The following GRID2 variants were observed in gnomAD, a reference collection of about 807,000 sequenced individuals.
GRID2 encodes glutamate receptor ionotropic, delta-2.
Under a neutral mutation model 114.8 loss-of-function variants are expected in GRID2, and 33 were observed. The observed-to-expected ratio is 0.29, with a 90% CI of 0.22 to 0.38. The LOEUF is 0.38. Ranked by LOEUF, GRID2 falls within the 10% of genes least tolerant of loss-of-function variation. The pLI is 1.00. For synonymous variants in GRID2, 505 were observed against 449.9 expected, an observed-to-expected ratio of 1.12 and a Z score of -1.55; for missense variants, 1,184 against 1,257.7, an observed-to-expected ratio of 0.94 and a Z score of 0.89.
intron 14 of GRID2, among the ~76,000 whole-genome samples, chr4:93,662,525 G>T (rs540521178): frequency 6.6e-6 from 1 of 152,054 alleles, no homozygotes; most frequent in African/African-American, 2.4e-5. Flanking sequence ...CAGCACCAGA[G>T]AACATTTCTC....
intron 1 of GRID2, among the ~76,000 whole-genome samples, chr4:92,522,284 G>T (rs1249369980): frequency 6.6e-6 from 1 of 151,856 alleles, no homozygotes; most frequent in Admixed American, 6.6e-5. Context: ...CAATAAGGAG[G>T]CAGGGGTCAC....
intron 2 of GRID2, among the ~76,000 whole-genome samples, chr4:92,921,959 G>A (rs1436232624): frequency 6.6e-6 from 1 of 152,204 alleles, no homozygotes; most frequent in Non-Finnish European, 1.5e-5. Flanking sequence ...AGTCTACAGA[G>A]GCAGGCCGGC....
chr4:92,847,631 TACAC>T, intron 2 of GRID2, among the ~76,000 whole-genome samples: 1 of 149,198 alleles, frequency 6.7e-6, no homozygotes, highest in Non-Finnish European at 1.5e-5. Context: ...TATTCTTACA[TACAC>T]AGCTATACTG....
chr4:93,721,264 A>C (rs186286213), intron 14 of GRID2, among the ~76,000 whole-genome samples: 2 of 152,328 alleles, frequency 1.3e-5, no homozygotes, highest in African/African-American at 4.8e-5. Flanking sequence ...TTAAATAGTC[A>C]AAAAGGGATC....
At chr4:93,327,092 C>A (rs1375496593) in intron 8 of GRID2, among the ~76,000 whole-genome samples, 1 of 152,010 alleles carries the variant, frequency 6.6e-6, no homozygotes. Flanking sequence ...GTCTTCAGGC[C>A]TCTTCTCTTA....
intron 2 of GRID2, among the ~76,000 whole-genome samples, chr4:92,663,502 AAAATT>A (rs1284152574): frequency 2.0e-5 from 3 of 151,272 alleles, no homozygotes; most frequent in Non-Finnish European, 4.4e-5. Context: ...CACAATTACT[AAAATT>A]AGTTGTCTAG....
intron 8 of GRID2, among the ~76,000 whole-genome samples, chr4:93,249,766 T>TA (rs1278397903): frequency 6.6e-6 from 1 of 151,894 alleles, no homozygotes; most frequent in Admixed American, 6.6e-5. Flanking sequence ...CACTGGTCAT[T>TA]AAAAAAAGCA....
chr4:92,308,241 A>C (rs189216866), intron 1 of GRID2, among the ~76,000 whole-genome samples: 1 of 152,184 alleles, frequency 6.6e-6, no homozygotes, highest in Admixed American at 6.5e-5. Context: ...CAACTATGGA[A>C]GATCTCATGT....
At chr4:92,722,651 G>T (rs1171082819) in intron 2 of GRID2, among the ~76,000 whole-genome samples, 1 of 151,984 alleles carries the variant, frequency 6.6e-6, no homozygotes, top group East Asian at 1.9e-4. Context: ...TATTAAATCT[G>T]CTATACCCAT....
In GRID2 at chr4:93,438,842, C is replaced by T. The variant is rs1721353462; in HGVS notation, c.1545+15874C>T. Among the ~76,000 whole-genome samples the T allele has an allele frequency of 2.0e-5, 3 of 151,760 alleles. No homozygotes were observed. In the South Asian group the frequency reaches 6.3e-4, roughly 32 times the overall value. On this transcript the variant is annotated intron_variant, in intron 10 of 15. Transcript: ENST00000282020. ...TGCTATCCCTCCCCCCATCCCCCACCCCACAATAGTCCCCGGAGTGTGATG... is the reference window on the plus strand; with the variant it reads ...TGCTATCCCTCCCCCCATCCCCCACTCCACAATAGTCCCCGGAGTGTGATG...
At chr4:92,986,998 T>C (rs905686115) in intron 2 of GRID2, among the ~76,000 whole-genome samples, 1 of 152,074 alleles carries the variant, frequency 6.6e-6, no homozygotes, top group Non-Finnish European at 1.5e-5. Flanking sequence ...AGAAAAATAA[T>C]GTATACCCTT....
chr4:92,758,155 T>A (rs1737823224), intron 2 of GRID2, among the ~76,000 whole-genome samples: 1 of 152,124 alleles, frequency 6.6e-6, no homozygotes, highest in African/African-American at 2.4e-5. Flanking sequence ...AAAAAGAGTC[T>A]GTTCTCTTTT....
chr4:93,465,451 T>C (rs928082486), intron 11 of GRID2, among the ~76,000 whole-genome samples: 2 of 152,214 alleles, frequency 1.3e-5, no homozygotes, highest in South Asian at 2.1e-4. Context: ...CAGTTTACAA[T>C]CCTGTTTTTT....
At chr4:93,072,057 T>C (rs10032153) in intron 2 of GRID2, among the ~76,000 whole-genome samples, 59,685 of 151,926 alleles carry the variant, frequency 0.39, 12,072 homozygotes, top group Admixed American at 0.54. Flanking sequence ...GTAATTACAA[T>C]GCAACAAGCA....
At chr4:93,253,324 G>T (rs907518030) in intron 8 of GRID2, among the ~76,000 whole-genome samples, 2 of 151,998 alleles carry the variant, frequency 1.3e-5, no homozygotes, top group Non-Finnish European at 2.9e-5. Context: ...TATGAAATGT[G>T]TCTTCAAATT....
At chr4:93,764,372 G>A (rs936436162) in intron 14 of GRID2, among the ~76,000 whole-genome samples, 2 of 152,128 alleles carry the variant, frequency 1.3e-5, no homozygotes, top group Admixed American at 6.5e-5. Flanking sequence ...TGAGATGTCC[G>A]TGTCAGTGAA....
intron 4 of GRID2, among the ~76,000 whole-genome samples, chr4:93,151,060 G>C (rs1443725958): frequency 7.0e-6 from 1 of 142,248 alleles, no homozygotes; most frequent in Non-Finnish European, 1.5e-5. Flanking sequence ...GGATGCGGAG[G>C]TTACAGTAAG....
chr4:93,124,147 G>T (rs1310008199), intron 4 of GRID2, among the ~76,000 whole-genome samples: 1 of 151,330 alleles, frequency 6.6e-6, no homozygotes, highest in Non-Finnish European at 1.5e-5. Context: ...TTGAAAATGG[G>T]AATTTGGCAG....
In GRID2 at chr4:93,000,110, G is replaced by A. The variant is rs141193869; in HGVS notation, c.245-84885G>A. 4.3e-3 allele frequency among the ~76,000 whole-genome samples: 657 copies of A among 151,694 alleles called. 7 individuals carry two copies. Among genetic ancestry groups the A allele is most frequent in the African/African-American group, 0.015 (635 of 41,500 alleles). The stretch of plus-strand genomic sequence containing the variant: ...TTTAAGAAAGGTGCTTCCATTGGCC[G>A]AGATGCTTAATGTATAGTCTTTTGT... On this transcript the variant is annotated intron_variant, in intron 2 of 15. Coordinates refer to ENST00000282020, the MANE Select transcript of GRID2 (RefSeq NM_001510.4).
Sources: allele counts gnomAD v4.1 joint callset (sites outside exome capture counted in the v4.1 genomes callset), GRCh38; gene constraint gnomAD v4.1.1; transcripts MANE v1.5; gene names NCBI Gene and HGNC (gene_info 2026-07-23, HGNC 2026-07-21).